BICDL1: variants seen among roughly 807,000 people sequenced by gnomAD.
BICDL1 encodes BICD family like cargo adaptor 1, also known as BICD family-like cargo adapter 1.
In BICDL1, 20 loss-of-function variants were observed where a neutral mutation model predicts 76.8. The ratio of observed to expected loss-of-function variants is 0.26; its 90% CI spans 0.18 to 0.38. The LOEUF (loss-of-function observed/expected upper bound fraction) is 0.38, where lower values mean the gene tolerates loss of function less well. Ranked by LOEUF, BICDL1 falls within the 10% of genes least tolerant of loss-of-function variation. The pLI is 1.00. For synonymous variants in BICDL1, 383 were observed against 337.1 expected (o/e 1.14, Z -1.49); for missense variants, 700 against 798.6 (o/e 0.88, Z 1.49).
At chr12:120,009,588 T>C (rs777698710) in intron 2 of BICDL1, among the ~76,000 whole-genome samples, 1 of 152,194 alleles carries the variant, frequency 6.6e-6, no homozygotes, top group African/African-American at 2.4e-5. Flanking sequence ...GTAGGAGAGA[T>C]AAAAATAGAG....
intron 3 of BICDL1, among the ~76,000 whole-genome samples, chr12:120,062,436 C>T (rs559008818): frequency 6.6e-6 from 1 of 152,042 alleles, no homozygotes; most frequent in Non-Finnish European, 1.5e-5. Context: ...CAGGCCTCCC[C>T]CTAGGGGAGG....
chr12:120,087,106 C>A (rs112799307), intron 8 of BICDL1, among the ~76,000 whole-genome samples: 1 of 152,264 alleles, frequency 6.6e-6, no homozygotes, highest in African/African-American at 2.4e-5. Flanking sequence ...CTGTGGCTGT[C>A]GTGGGGCACC....
intron 2 of BICDL1, among the ~76,000 whole-genome samples, chr12:120,053,395 C>A (rs1482245996): frequency 2.0e-5 from 3 of 152,174 alleles, no homozygotes; most frequent in Non-Finnish European, 2.9e-5. Context: ...TTCATCATTT[C>A]TTCTACATTT....
chr12:120,008,250 C>T (rs113060916), intron 2 of BICDL1, among the ~76,000 whole-genome samples: 144 of 145,118 alleles, frequency 9.9e-4, no homozygotes, highest in African/African-American at 3.6e-3. Context: ...CCTTGACCTC[C>T]TGGGATCAGG....
At chr12:119,998,397 A>G (rs1277505938) in intron 1 of BICDL1, 124 bp from the exon 2 acceptor site, 6 of 707,030 alleles carry the variant, frequency 8.5e-6, no homozygotes, top group African/African-American at 1.8e-5. Context: ...AACTTGTCCT[A>G]TGTGGTAGGG....
intron 2 of BICDL1, among the ~76,000 whole-genome samples, chr12:120,006,188 G>A (rs911726119): frequency 1.3e-5 from 2 of 152,180 alleles, no homozygotes; most frequent in African/African-American, 4.8e-5. Flanking sequence ...ATGGAATGGT[G>A]CCTGGAGAGG....
chr12:120,027,402 T>C (rs1952329375), intron 2 of BICDL1, among the ~76,000 whole-genome samples: 1 of 152,220 alleles, frequency 6.6e-6, no homozygotes, highest in Non-Finnish European at 1.5e-5. Context: ...CCACTTTACC[T>C]TGAAAATGCT....
At chr12:120,053,215 G>T (rs542669939) in intron 2 of BICDL1, among the ~76,000 whole-genome samples, 1 of 152,300 alleles carries the variant, frequency 6.6e-6, no homozygotes, top group South Asian at 2.1e-4. Context: ...CTCCCGAGTA[G>T]CTGGGATTAC....
At chr12:120,076,615 TG>T (rs59917898) in intron 7 of BICDL1, among the ~76,000 whole-genome samples, 2,431 of 152,314 alleles carry the variant, frequency 0.016, 65 homozygotes, top group African/African-American at 0.055. Context: ...CCAGTTGCTG[TG>T]GATTCTCTTT....
intron 1 of BICDL1, chr12:119,992,775 A>G (rs552271653): frequency 6.6e-6 from 1 of 152,216 alleles, no homozygotes; most frequent in Non-Finnish European, 1.5e-5. Context: ...GAAAAAAAAA[A>G]TTTATAATCT....
rs1032953971 is a variant in BICDL1 at position 120,090,979 on chromosome 12, C to T, written c.1704+908C>T. The T allele has an allele frequency of 2.3e-5, 29 of 1,288,774 alleles. No individual in the cohort carries two copies. In the Admixed American group the frequency reaches 4.6e-4, roughly 20 times the overall value. The allele number at this position is 1,288,774 out of a possible 1,614,324, so 79.8% of individuals were successfully genotyped here. On this transcript the variant is annotated intron_variant, in intron 9 of 9. Coordinates refer to ENST00000548673, the MANE Select transcript of BICDL1 (RefSeq NM_001367886.1). The stretch of plus-strand genomic sequence containing the variant: ...TGATCTAGTGGCCTTTCTCAGTTCC[C>T]GTATCAACAGCTTTAGTTGTACACC...
At chr12:120,089,510 G>GT (rs1460826215) in intron 8 of BICDL1, among the ~76,000 whole-genome samples, 1 of 152,136 alleles carries the variant, frequency 6.6e-6, no homozygotes, top group African/African-American at 2.4e-5. Context: ...CTCAGCCCGA[G>GT]TAACTGGGAT....
chr12:119,989,527 C>G lies in BICDL1; in HGVS notation c.-342C>G, dbSNP rs1675936362. Among the ~76,000 whole-genome samples, 2 of 150,474 alleles carry G rather than the reference C, an allele frequency of 1.3e-5. No homozygotes were observed. Among genetic ancestry groups the G allele is most frequent in the Admixed American group, 1.3e-4 (2 of 15,146 alleles). Reference sequence around the variant, plus strand: ...AGAACCCGGCGGCGGCGTTCCTCCTCGCTTCCTCCCCTCCCGCTTCGCCGA... The same window carrying G: ...AGAACCCGGCGGCGGCGTTCCTCCTGGCTTCCTCCCCTCCCGCTTCGCCGA... On this transcript the variant is annotated 5_prime_UTR_variant, in exon 1 of 10. Transcript: ENST00000548673.
At chr12:120,038,918 T>C (rs1952577650) in intron 2 of BICDL1, among the ~76,000 whole-genome samples, 1 of 152,190 alleles carries the variant, frequency 6.6e-6, no homozygotes, top group Non-Finnish European at 1.5e-5. Flanking sequence ...CAGTTGTTAA[T>C]TCCACTTGCA....
intron 2 of BICDL1, among the ~76,000 whole-genome samples, chr12:120,022,188 C>G (rs982464202): frequency 2.0e-5 from 3 of 149,828 alleles, no homozygotes; most frequent in Non-Finnish European, 4.4e-5. Flanking sequence ...TCAGATAAAT[C>G]CAGAAAGTGG....
intron 2 of BICDL1, among the ~76,000 whole-genome samples, chr12:120,052,419 A>G (rs528768254): frequency 3.7e-4 from 57 of 152,040 alleles, no homozygotes; most frequent in Middle Eastern, 3.4e-3. Context: ...TTTGAAGACT[A>G]TTGATCAATT....
Position 119,990,232 on chromosome 12 carries a change from G to T in BICDL1, c.364G>T (p.Glu122Ter). The part of the protein sequence containing the change: ...LAARLGKALL[E>*]RNQDMSRQYE... ...GGCCCGGCTGGGTAAGGCGCTGCTC[G>T]AGAGGAACCAGGACATGAGCCGGCA... The change falls in exon 1 of 10, where the codon GAG becomes TAG. Residue 122 changes from glutamate to a stop codon, truncating the protein, a stop_gained. Transcript: ENST00000548673. LOFTEE classifies it high-confidence loss of function. 1 of 1,576,260 alleles carries T rather than the reference G, an allele frequency of 6.3e-7. No individual in the cohort carries two copies. Among genetic ancestry groups the T allele is most frequent in the Admixed American group, 1.8e-5 (1 of 54,600 alleles).
intron 9 of BICDL1, chr12:120,091,816 G>A (rs1407062383): frequency 3.0e-6 from 3 of 985,300 alleles, no homozygotes; most frequent in Admixed American, 1.2e-4. Context: ...TGGACAAGCT[G>A]CTCAGATGGA....
chr12:119,991,533 A>G (rs1260954377), intron 1 of BICDL1, among the ~76,000 whole-genome samples: 1 of 152,240 alleles, frequency 6.6e-6, no homozygotes, highest in African/African-American at 2.4e-5. Flanking sequence ...TGAAACCTAT[A>G]GGTAGACTGC....
Sources: gnomAD v4.1 joint callset for allele counts (sites outside exome capture counted in the v4.1 genomes callset) on GRCh38, gnomAD v4.1.1 for gene constraint, MANE v1.5 for transcripts, NCBI Gene and HGNC (gene_info 2026-07-23, HGNC 2026-07-21) for gene names.